The following OSTC variants were observed in gnomAD, a reference collection of about 807,000 sequenced individuals.
OSTC encodes the protein oligosaccharyltransferase complex non-catalytic subunit.
OSTC carries 16 observed loss-of-function variants against 16.4 expected under a neutral mutation model. The ratio of observed to expected loss-of-function variants is 0.98; its 90% CI spans 0.66 to 1.49. The LOEUF (loss-of-function observed/expected upper bound fraction) is 1.49, where lower values mean the gene tolerates loss of function less well. Ranked by LOEUF, OSTC falls within the 40% of genes most tolerant of loss-of-function variation. The pLI, the probability that OSTC is intolerant of heterozygous loss-of-function variation, is 0.00. For synonymous variants in OSTC, 67 were observed against 68.5 expected (o/e 0.98, Z 0.11); for missense variants, 139 against 186.3 (o/e 0.75, Z 1.48).
At chr4:108,663,931 C>T (rs922851441) in intron 3 of OSTC, among the ~76,000 whole-genome samples, 7 of 152,056 alleles carry the variant, frequency 4.6e-5, no homozygotes, top group South Asian at 2.1e-4. Flanking sequence ...TATTTATCTA[C>T]GGTTTTACTT....
At chr4:108,651,352 G>T (rs1726537313) in intron 1 of OSTC, 1 of 152,352 alleles carries the variant, frequency 6.6e-6, no homozygotes, top group South Asian at 2.1e-4. Context: ...AAATATCAAT[G>T]GAATTTTCTG....
intron 1 of OSTC, among the ~76,000 whole-genome samples, chr4:108,654,121 T>C (rs1484962422): frequency 6.6e-6 from 1 of 152,202 alleles, no homozygotes; most frequent in Non-Finnish European, 1.5e-5. Context: ...ATTGAGTGCT[T>C]CTGAGAAGTC....
Position 108,659,782 on chromosome 4 carries a change from G to A in OSTC, c.431+2135G>A, listed in dbSNP as rs1206732419. On this transcript the variant is annotated intron_variant, in intron 3 of 3. Coordinates refer to ENST00000361564, the MANE Select transcript of OSTC (RefSeq NM_021227.4). ...AGACTCCATCTCAAAAAAAAGAAAA[G>A]AAAAGAAAAGAAAATTTACAACCAA... is the stretch of plus-strand genomic sequence containing the variant. 2.0e-5 allele frequency among the ~76,000 whole-genome samples: 3 copies of A among 152,092 alleles called. No individual in the cohort carries two copies. In the East Asian group the frequency reaches 5.8e-4, roughly 29 times the overall value.
intron 1 of OSTC, among the ~76,000 whole-genome samples, chr4:108,651,935 A>C (rs1486872435): frequency 1.3e-5 from 2 of 152,238 alleles, no homozygotes; most frequent in African/African-American, 2.4e-5. Context: ...ACTTACGTTC[A>C]TTTAAATAAA....
Position 108,650,641 on chromosome 4 carries a change from C to G in OSTC, c.-15C>G. The G allele has an allele frequency of 1.9e-6, 3 of 1,613,648 alleles. No homozygotes were observed. Among genetic ancestry groups the G allele is most frequent in the Non-Finnish European group, 2.5e-6 (3 of 1,179,706 alleles). ...GTGGGGCTTGAGGCCGAGAACGGCC[C>G]TTGCTGCCACCAACATGGAGACTTT... On this transcript the variant is annotated 5_prime_UTR_variant, in exon 1 of 4. Coordinates refer to ENST00000361564, the MANE Select transcript of OSTC (RefSeq NM_021227.4).
At position 108,650,709 on chromosome 4, in the gene OSTC, G is replaced by A; in HGVS notation, c.54G>A (p.Lys18=). The part of the protein sequence containing the change: ...PFLVLECPNL[K]LKKPPWLHMP... The stretch of plus-strand genomic sequence containing the variant: ...TAGTGCTCGAATGTCCCAACCTGAA[G>A]CTGAAGAAGCCGCCCTGGTTGCACA... Residue 18 remains lysine, a synonymous_variant, in exon 1 of 4, where the codon AAG becomes AAA. Coordinates refer to ENST00000361564, the MANE Select transcript of OSTC (RefSeq NM_021227.4). 3 of 1,614,204 alleles carry A rather than the reference G, an allele frequency of 1.9e-6. No individual in the cohort carries two copies. Among genetic ancestry groups the A allele is most frequent in the South Asian group, 1.1e-5 (1 of 91,084 alleles).
intron 1 of OSTC, 188 bp downstream of exon 1, chr4:108,650,982 CTT>C (rs1262968809): frequency 1.3e-6 from 1 of 751,378 alleles, no homozygotes; most frequent in East Asian, 2.8e-5. Context: ...CACGCCCTGT[CTT>C]AAGAGAATTC....
At chr4:108,661,342 A>G (rs1216441259) in intron 3 of OSTC, among the ~76,000 whole-genome samples, 1 of 152,182 alleles carries the variant, frequency 6.6e-6, no homozygotes, top group Non-Finnish European at 1.5e-5. Context: ...TCAAAGGAGT[A>G]ATTTTCATTG....
Position 108,650,761 on chromosome 4 carries a change from C to T in OSTC, c.106C>T (p.Leu36=). ...GCCGTCGGCCATGACTGTGTATGCT[C>T]TGGTGGTGGTGTCTTACTTCCTCAT... ...HMPSAMTVYA[L]VVVSYFLITG... The change falls in exon 1 of 4, where the codon CTG becomes TTG. Residue 36 remains leucine (L), a synonymous_variant. Transcript: ENST00000361564. The T allele has an allele frequency of 6.2e-7, 1 of 1,614,192 alleles. No individual in the cohort carries two copies.
chr4:108,667,539 T>C lies in OSTC; in HGVS notation c.*274T>C. 3.2e-6 allele frequency: 1 copy of C among 315,744 alleles called. No individual in the cohort carries two copies. Among genetic ancestry groups the C allele is most frequent in the Non-Finnish European group, 5.7e-6 (1 of 174,502 alleles). The allele number at this position is 315,744 out of a possible 1,614,324, so 19.6% of individuals were successfully genotyped here. A position where few individuals can be genotyped will look rare whatever the true frequency, so the allele number is the denominator to read the frequency against. On this transcript the variant is annotated 3_prime_UTR_variant, in exon 4 of 4. Coordinates refer to ENST00000361564, the MANE Select transcript of OSTC (RefSeq NM_021227.4). ...TTTTCTTTTTAGTTTTTCATTAAAA[T>C]ATATTCCATATCTACAACTATAATA...
At chr4:108,663,371 C>T in intron 3 of OSTC, 1 of 344,660 alleles carries the variant, frequency 2.9e-6, no homozygotes, top group Non-Finnish European at 5.7e-6. Context: ...ACCACCATGC[C>T]CAGCTCATTT....
chr4:108,654,578 G>C (rs1329859869), intron 1 of OSTC, among the ~76,000 whole-genome samples: 1 of 152,168 alleles, frequency 6.6e-6, no homozygotes, highest in Admixed American at 6.5e-5. Flanking sequence ...ATTTGGTGGG[G>C]AAAAGACAAG....
At chr4:108,663,026 A>C (rs1299002098) in intron 3 of OSTC, among the ~76,000 whole-genome samples, 1 of 152,170 alleles carries the variant, frequency 6.6e-6, no homozygotes, top group Admixed American at 6.5e-5. Flanking sequence ...AAACCTGTTA[A>C]ATGAAGTATT....
intron 3 of OSTC, among the ~76,000 whole-genome samples, chr4:108,664,589 T>G (rs1726945346): frequency 1.3e-5 from 2 of 152,070 alleles, no homozygotes; most frequent in Non-Finnish European, 2.9e-5. Flanking sequence ...AACCTTTTAA[T>G]TTTTAATTTT....
intron 3 of OSTC, among the ~76,000 whole-genome samples, chr4:108,664,609 G>A (rs1230079726): frequency 3.0e-5 from 4 of 133,508 alleles, no homozygotes; most frequent in Non-Finnish European, 4.9e-5. Flanking sequence ...TTTTTTTTTT[G>A]TGGGGGACGG....
At chr4:108,662,303 A>G (rs1424880965) in intron 3 of OSTC, among the ~76,000 whole-genome samples, 3 of 152,256 alleles carry the variant, frequency 2.0e-5, no homozygotes, top group Non-Finnish European at 4.4e-5. Context: ...ATGTGATTCC[A>G]TGTAATTGAA....
chr4:108,653,898 A>G (rs956392871), intron 1 of OSTC, among the ~76,000 whole-genome samples: 5 of 152,152 alleles, frequency 3.3e-5, no homozygotes, highest in African/African-American at 1.2e-4. Flanking sequence ...GGCACATCAC[A>G]TTGAGAGTCT....
chr4:108,654,766 CATT>C (rs1411886984), intron 1 of OSTC, among the ~76,000 whole-genome samples: 11 of 152,192 alleles, frequency 7.2e-5, no homozygotes, highest in African/African-American at 1.9e-4. Flanking sequence ...ATCACGATGA[CATT>C]ATGACATAAT....
At chr4:108,655,892 A>G (rs756054611) in intron 2 of OSTC, among the ~76,000 whole-genome samples, 2 of 152,228 alleles carry the variant, frequency 1.3e-5, no homozygotes, top group Non-Finnish European at 2.9e-5. Context: ...GTAGGGTGTC[A>G]GTTTAAACTA....
Sources: gnomAD v4.1 joint callset for allele counts (sites outside exome capture counted in the v4.1 genomes callset) on GRCh38, gnomAD v4.1.1 for gene constraint, MANE v1.5 for transcripts, NCBI Gene and HGNC (gene_info 2026-07-23, HGNC 2026-07-21) for gene names.